RAD18: variants seen among roughly 807,000 people sequenced by gnomAD.
RAD18 encodes RAD18 E3 ubiquitin protein ligase, also known as E3 ubiquitin-protein ligase RAD18.
A neutral mutation model predicts 60.4 loss-of-function variants in RAD18; 47 were observed. That is an observed-to-expected ratio of 0.78 (90% CI 0.62 to 0.99). RAD18 has a LOEUF of 0.99. Among genes scored for constraint, RAD18 ranks in the 50% least tolerant of loss-of-function variants. RAD18 has a pLI of 0.00. For synonymous variants in RAD18, 225 were observed against 195.5 expected (o/e 1.15, Z -1.26); for missense variants, 640 against 593.3 (o/e 1.08, Z -0.82).
At chr3:8,941,088 G>C (rs1050228721) in intron 5 of RAD18, among the ~76,000 whole-genome samples, 1 of 152,160 alleles carries the variant, frequency 6.6e-6, no homozygotes, top group Non-Finnish European at 1.5e-5. Flanking sequence ...AATTGTCACA[G>C]GCTTTATATG....
chr3:8,913,900 A>G (rs1396015260), intron 7 of RAD18, among the ~76,000 whole-genome samples, 180 bp from the exon 8 acceptor site: 1 of 152,242 alleles, frequency 6.6e-6, no homozygotes, highest in Non-Finnish European at 1.5e-5. Flanking sequence ...GGTTAAAAAA[A>G]TAACATGGAG....
intron 2 of RAD18, among the ~76,000 whole-genome samples, chr3:8,950,842 A>T (rs73810756): frequency 0.023 from 3,536 of 152,362 alleles, 132 homozygotes; most frequent in African/African-American, 0.079. Context: ...AGAATCAAAA[A>T]GGAATGCTAG....
At chr3:8,922,092 A>C (rs1374538167) in intron 7 of RAD18, among the ~76,000 whole-genome samples, 1 of 152,168 alleles carries the variant, frequency 6.6e-6, no homozygotes, top group Admixed American at 6.5e-5. Context: ...CAGTGGGTGC[A>C]GGACAGTGGG....
intron 9 of RAD18, among the ~76,000 whole-genome samples, chr3:8,905,330 C>T (rs148864694): frequency 6.6e-6 from 1 of 152,258 alleles, no homozygotes; most frequent in African/African-American, 2.4e-5. Context: ...AAATCAAGCC[C>T]TTTACTCCCT....
intron 7 of RAD18, among the ~76,000 whole-genome samples, chr3:8,923,617 T>A (rs1330340753): frequency 2.6e-5 from 4 of 151,942 alleles, no homozygotes; most frequent in Admixed American, 6.6e-5. Context: ...AATTGACAGA[T>A]TCACCAAAGT....
At chr3:8,893,068 T>C (rs1939721250) in intron 11 of RAD18, among the ~76,000 whole-genome samples, 1 of 152,204 alleles carries the variant, frequency 6.6e-6, no homozygotes, top group Non-Finnish European at 1.5e-5. Context: ...ATAAAACAGA[T>C]TTGGGTCTGA....
In RAD18 at chr3:8,899,026, G is replaced by A. The variant is rs1939855003; in HGVS notation, c.1190C>T (p.Ser397Leu). Residue 397 changes from serine (S) to leucine (L), a missense_variant, in exon 11 of 13, where the codon TCA becomes TTA. Ser to Leu is a moderately radical substitution (Grantham distance 145, BLOSUM62 -2). Coordinates refer to ENST00000264926, the MANE Select transcript of RAD18 (RefSeq NM_020165.4). ...VCMGQEDNMT[S>L]VTNHFSQSKL... ...TGATTGAGAAAAGTGGTTTGTTACT[G>A]AGGTCATATTATCTTCCTGTCCTAG... 6.2e-7 allele frequency: 1 copy of A among 1,603,714 alleles called. No individual in the cohort carries two copies. Among genetic ancestry groups the A allele is most frequent in the Non-Finnish European group, 8.5e-7 (1 of 1,175,064 alleles).
chr3:8,901,713 G>GA (rs1939916241), intron 10 of RAD18, among the ~76,000 whole-genome samples: 1 of 152,150 alleles, frequency 6.6e-6, no homozygotes, highest in South Asian at 2.1e-4. Flanking sequence ...AAATGTTTTG[G>GA]ATATAGACAG....
chr3:8,937,359 T>C (rs1940670809), intron 6 of RAD18, among the ~76,000 whole-genome samples: 1 of 152,214 alleles, frequency 6.6e-6, no homozygotes, highest in South Asian at 2.1e-4. Context: ...AGATCAACAA[T>C]TTCTATCAGG....
intron 4 of RAD18, among the ~76,000 whole-genome samples, chr3:8,946,624 C>T (rs943778067): frequency 1.4e-4 from 21 of 152,168 alleles, no homozygotes; most frequent in Admixed American, 1.2e-3. Context: ...AGTAAAGTTG[C>T]ATATCTGAGC....
chr3:8,904,678 T>C (rs1939973124), intron 9 of RAD18, among the ~76,000 whole-genome samples: 1 of 152,216 alleles, frequency 6.6e-6, no homozygotes, highest in South Asian at 2.1e-4. Context: ...TGTATTTCTC[T>C]GGCTGCTTAG....
At chr3:8,942,042 G>A (rs1940756701) in intron 4 of RAD18, among the ~76,000 whole-genome samples, 1 of 152,100 alleles carries the variant, frequency 6.6e-6, no homozygotes, top group South Asian at 2.1e-4. Flanking sequence ...ACAGAGAACA[G>A]CTTATATGAG....
chr3:8,958,724 G>A (rs1437650816), intron 2 of RAD18, among the ~76,000 whole-genome samples, 196 bp downstream of exon 2: 2 of 152,172 alleles, frequency 1.3e-5, no homozygotes, highest in African/African-American at 2.4e-5. Context: ...AAAGAGGAAC[G>A]AGGTAGAAAA....
At chr3:8,912,413 A>G in intron 8 of RAD18, 41 bp from the exon 9 acceptor site, 1 of 1,363,576 alleles carries the variant, frequency 7.3e-7, no homozygotes, top group Non-Finnish European at 1.0e-6. Flanking sequence ...AATCTCCCCA[A>G]AATGACAAAA....
intron 2 of RAD18, among the ~76,000 whole-genome samples, chr3:8,957,259 T>C (rs1317020508): frequency 6.6e-6 from 1 of 152,186 alleles, no homozygotes; most frequent in African/African-American, 2.4e-5. Context: ...CAAATTGATC[T>C]CTAGATTCAA....
At position 8,926,812 on chromosome 3, in the gene RAD18, G is replaced by C. The variant is rs546749311; in HGVS notation, c.889+9059C>G. 5.6e-4 allele frequency among the ~76,000 whole-genome samples: 86 copies of C among 152,274 alleles called. No individual in the cohort carries two copies. In the South Asian group the frequency reaches 6.6e-3, roughly 12 times the overall value. ...TGACAAAAACAAGAAATGGGGAAAG[G>C]ATTCCCTATTTAATAAATGGTGCTG... On this transcript the variant is annotated intron_variant, in intron 7 of 12. Coordinates refer to ENST00000264926, the MANE Select transcript of RAD18 (RefSeq NM_020165.4).
chr3:8,913,510 G>T, intron 8 of RAD18, 134 bp downstream of exon 8: 1 of 578,164 alleles, frequency 1.7e-6, no homozygotes, highest in Non-Finnish European at 2.8e-6. Context: ...AAAATGAGTT[G>T]CAAGTAAATC....
chr3:8,909,837 T>A (rs1940076825), intron 9 of RAD18, among the ~76,000 whole-genome samples: 1 of 152,102 alleles, frequency 6.6e-6, no homozygotes, highest in Non-Finnish European at 1.5e-5. Context: ...CAATAGCTGA[T>A]GAGAGAAAAA....
intron 6 of RAD18, among the ~76,000 whole-genome samples, chr3:8,938,237 TG>T (rs1416375698): frequency 6.6e-6 from 1 of 152,196 alleles, no homozygotes; most frequent in African/African-American, 2.4e-5. Flanking sequence ...CATGTAAAAC[TG>T]CCCCAGGTTT....
Sources: allele counts gnomAD v4.1 joint callset (sites outside exome capture counted in the v4.1 genomes callset), GRCh38; gene constraint gnomAD v4.1.1; transcripts MANE v1.5; gene names NCBI Gene and HGNC (gene_info 2026-07-23, HGNC 2026-07-21).